The following GPC6 variants were observed in gnomAD, a reference collection of about 807,000 sequenced individuals.
GPC6 encodes glypican 6, also known as glypican-6.
A neutral mutation model predicts 55.2 loss-of-function variants in GPC6; 14 were observed. The ratio of observed to expected loss-of-function variants is 0.25; its 90% CI spans 0.17 to 0.40. The LOEUF is 0.40. Among genes scored for constraint, GPC6 ranks in the 10% least tolerant of loss-of-function variants. The pLI is 1.00. For missense variants in GPC6, 641 were observed against 708.5 expected (o/e 0.90, Z 1.08); for synonymous variants, 278 against 259.6 (o/e 1.07, Z -0.68).
intron 1 of GPC6, among the ~76,000 whole-genome samples, chr13:93,298,965 A>C (rs1193038318): frequency 2.7e-5 from 4 of 149,858 alleles, no homozygotes; most frequent in Non-Finnish European, 5.9e-5. Flanking sequence ...CACTTCTGTT[A>C]CTTGCATCTA....
At chr13:93,353,299 A>G (rs756666425) in intron 1 of GPC6, among the ~76,000 whole-genome samples, 27 of 152,218 alleles carry the variant, frequency 1.8e-4, no homozygotes, top group Non-Finnish European at 2.6e-4. Flanking sequence ...AGGAGTAGCT[A>G]GAAAACAGTG....
intron 1 of GPC6, among the ~76,000 whole-genome samples, chr13:93,250,522 GC>G (rs1388473967): frequency 6.6e-6 from 1 of 152,114 alleles, no homozygotes; most frequent in African/African-American, 2.4e-5. Context: ...CTGGCCTCTG[GC>G]CCACCTCCAG....
At chr13:93,623,243 A>G (rs897052479) in intron 2 of GPC6, among the ~76,000 whole-genome samples, 7 of 152,146 alleles carry the variant, frequency 4.6e-5, no homozygotes, top group Non-Finnish European at 8.8e-5. Flanking sequence ...ATAGGAGTGC[A>G]GATATCTCCT....
chr13:93,572,976 G>C (rs1399444177), intron 2 of GPC6, among the ~76,000 whole-genome samples: 1 of 152,120 alleles, frequency 6.6e-6, no homozygotes, highest in Non-Finnish European at 1.5e-5. Context: ...GGGCACATCA[G>C]GTCAGAATCA....
At chr13:94,164,730 C>T (rs937278379) in intron 4 of GPC6, among the ~76,000 whole-genome samples, 1 of 152,114 alleles carries the variant, frequency 6.6e-6, no homozygotes, top group South Asian at 2.1e-4. Flanking sequence ...CTCATCATAA[C>T]TATTATCTCT....
chr13:94,066,718 G>T (rs892233271), intron 4 of GPC6, among the ~76,000 whole-genome samples: 3 of 152,120 alleles, frequency 2.0e-5, no homozygotes, highest in African/African-American at 7.2e-5. Flanking sequence ...CCTATGCTTG[G>T]CATTGTTAAC....
rs1876785538 is a variant in GPC6 at position 93,251,475 on chromosome 13, A to C, written c.160+23859A>C. 2.0e-5 allele frequency among the ~76,000 whole-genome samples: 3 copies of C among 152,260 alleles called. No homozygotes were observed. The South Asian group carries it at 6.2e-4, about 32-fold the overall frequency. ...TAAACAATATGAAAACTTTCAAAGA[A>C]TCTCTTGAGCATCAAGTAAATTGGA... is the stretch of plus-strand genomic sequence containing the variant. On this transcript the variant is annotated intron_variant, in intron 1 of 8. Transcript: ENST00000377047.
At chr13:93,762,811 A>T (rs1884995551) in intron 2 of GPC6, among the ~76,000 whole-genome samples, 1 of 152,198 alleles carries the variant, frequency 6.6e-6, no homozygotes, top group Non-Finnish European at 1.5e-5. Flanking sequence ...ATGATTGGCG[A>T]CCATACTAAT....
chr13:93,873,431 T>A (rs1469403899), intron 3 of GPC6, among the ~76,000 whole-genome samples: 1 of 151,954 alleles, frequency 6.6e-6, no homozygotes, highest in East Asian at 1.9e-4. Flanking sequence ...TCTGCTCTTG[T>A]TCCATACATA....
At chr13:93,706,148 T>C (rs190923124) in intron 2 of GPC6, among the ~76,000 whole-genome samples, 20 of 151,944 alleles carry the variant, frequency 1.3e-4, no homozygotes, top group Middle Eastern at 3.4e-3. Flanking sequence ...CTATTTCACC[T>C]TAAAAAATTA....
At chr13:93,374,328 G>A (rs928137322) in intron 1 of GPC6, among the ~76,000 whole-genome samples, 2 of 152,112 alleles carry the variant, frequency 1.3e-5, no homozygotes, top group African/African-American at 2.4e-5. Flanking sequence ...TAGGAGGCCC[G>A]ATTAAGAACA....
chr13:93,810,194 A>G (rs553153787), intron 2 of GPC6, among the ~76,000 whole-genome samples: 2 of 152,318 alleles, frequency 1.3e-5, no homozygotes, highest in South Asian at 4.1e-4. Flanking sequence ...TAAGAAAGAA[A>G]AAGAACTTTG....
At chr13:94,009,561 A>G (rs1882158261) in intron 3 of GPC6, among the ~76,000 whole-genome samples, 2 of 152,186 alleles carry the variant, frequency 1.3e-5, no homozygotes. Context: ...TGACCTTGAC[A>G]GTAGGCTCAG....
chr13:94,197,275 C>T (rs936439206), intron 4 of GPC6, among the ~76,000 whole-genome samples: 8 of 152,156 alleles, frequency 5.3e-5, no homozygotes, highest in African/African-American at 1.9e-4. Flanking sequence ...TAGTCAAAAG[C>T]TGCATACTTT....
intron 1 of GPC6, among the ~76,000 whole-genome samples, chr13:93,236,793 A>G (rs1876249889): frequency 6.6e-6 from 1 of 152,116 alleles, no homozygotes; most frequent in Non-Finnish European, 1.5e-5. Context: ...ATGCATACTT[A>G]TCTCCCACTT....
chr13:94,042,379 CAAT>C (rs1404465444), intron 4 of GPC6, among the ~76,000 whole-genome samples: 3 of 151,786 alleles, frequency 2.0e-5, no homozygotes, highest in Non-Finnish European at 4.4e-5. Flanking sequence ...CATACTACAA[CAAT>C]AAGACCAAGA....
rs534684051 is a variant in GPC6 at position 93,279,038 on chromosome 13, C to A, written c.160+51422C>A. On this transcript the variant is annotated intron_variant, in intron 1 of 8. Coordinates refer to ENST00000377047, the MANE Select transcript of GPC6 (RefSeq NM_005708.5). ...AAATATGATATATTTTTAAAGCTGCCTATTATTAAGGACTCACTTTAATTT... is the reference window on the plus strand; with the variant it reads ...AAATATGATATATTTTTAAAGCTGCATATTATTAAGGACTCACTTTAATTT... Among the ~76,000 whole-genome samples the A allele has an allele frequency of 1.8e-4, 28 of 152,214 alleles. No homozygotes were observed. The South Asian group carries it at 5.0e-3, about 27-fold the overall frequency.
In GPC6 at chr13:94,020,536, C is replaced by T. The variant is rs571437290; in HGVS notation, c.712-7193C>T. Among the ~76,000 whole-genome samples, 9 of 152,138 alleles carry T rather than the reference C, an allele frequency of 5.9e-5. No individual in the cohort carries two copies. The South Asian group carries it at 6.2e-4, about 11-fold the overall frequency. On this transcript the variant is annotated intron_variant, in intron 3 of 8. Coordinates refer to ENST00000377047, the MANE Select transcript of GPC6 (RefSeq NM_005708.5). ...CTAGTTTTGCTCTTTTCTTCAGTGG[C>T]GGGACTAATTATTGGCACTGTGTCT...
intron 2 of GPC6, among the ~76,000 whole-genome samples, chr13:93,561,105 A>G (rs1250358771): frequency 6.6e-6 from 1 of 152,180 alleles, no homozygotes; most frequent in African/African-American, 2.4e-5. Context: ...GGTAATGACT[A>G]ATGATCTTTT....
Sources: allele counts gnomAD v4.1 joint callset (sites outside exome capture counted in the v4.1 genomes callset), GRCh38; gene constraint gnomAD v4.1.1; transcripts MANE v1.5; gene names NCBI Gene and HGNC (gene_info 2026-07-23, HGNC 2026-07-21).